The following HAO2 variants were observed in gnomAD, a reference collection of about 807,000 sequenced individuals.
HAO2 encodes the protein hydroxyacid oxidase 2.
HAO2 carries 42 observed loss-of-function variants against 37.4 expected under a neutral mutation model. The observed-to-expected ratio is 1.12, with a 90% CI of 0.88 to 1.45. HAO2 has a LOEUF of 1.45. Among genes scored for constraint, HAO2 ranks in the 40% most tolerant of loss-of-function variants. HAO2 has a pLI of 0.00. For missense variants in HAO2, 476 were observed against 430.2 expected (o/e 1.11, Z -0.94); for synonymous variants, 180 against 162.8 (o/e 1.11, Z -0.81).
chr1:119,386,098 G>A (rs1650357754), intron 4 of HAO2: 1 of 154,766 alleles, frequency 6.5e-6, no homozygotes, highest in African/African-American at 2.4e-5. Context: ...CATGATTCAT[G>A]GTCAATGATA....
At chr1:119,386,380 T>C (rs1247804477) in intron 4 of HAO2, among the ~76,000 whole-genome samples, 1 of 152,042 alleles carries the variant, frequency 6.6e-6, no homozygotes, top group Non-Finnish European at 1.5e-5. Context: ...TTTATTTTTT[T>C]AGAGGAGCAG....
At chr1:119,384,708 T>TC in intron 3 of HAO2, 68 bp from the exon 4 acceptor site, 1 of 1,319,820 alleles carries the variant, frequency 7.6e-7, no homozygotes, top group Non-Finnish European at 1.1e-6. Flanking sequence ...CTACACAGAC[T>TC]CCCAAGGTTT....
rs1240911956 is a variant in HAO2 at position 119,378,974 on chromosome 1, C to G, written c.-8-2104C>G. 2.0e-5 allele frequency among the ~76,000 whole-genome samples: 3 copies of G among 152,094 alleles called. No homozygotes were observed. In the East Asian group the frequency reaches 5.8e-4, roughly 29 times the overall value. ...GTTGGGGGTCCCAGGTTTGGTTCTT[C>G]ATTAGGAGGAACAAATAGTCGAGGC... On this transcript the variant is annotated intron_variant, in intron 1 of 7. Coordinates refer to ENST00000325945, the MANE Select transcript of HAO2 (RefSeq NM_016527.4).
At chr1:119,380,574 G>C (rs999991417) in intron 1 of HAO2, 26 of 691,284 alleles carry the variant, frequency 3.8e-5, no homozygotes, top group Non-Finnish European at 6.2e-5. Context: ...AAGAAATGAA[G>C]CTGGTGAGGC....
At chr1:119,383,112 C>T (rs991201356) in intron 3 of HAO2, 46 bp downstream of exon 3, 7 of 1,466,732 alleles carry the variant, frequency 4.8e-6, no homozygotes, top group Non-Finnish European at 6.6e-6. Flanking sequence ...GAGGAGGTGT[C>T]CCTCAGAGCA....
intron 6 of HAO2, 84 bp from the exon 7 acceptor site, chr1:119,392,534 A>T: frequency 2.2e-6 from 2 of 917,490 alleles, no homozygotes; most frequent in Non-Finnish European, 3.7e-6. Flanking sequence ...TATAGCTCTG[A>T]CTACATCTAG....
At chr1:119,388,750 T>C (rs192985691) in intron 5 of HAO2, among the ~76,000 whole-genome samples, 5 of 152,270 alleles carry the variant, frequency 3.3e-5, no homozygotes, top group Admixed American at 2.0e-4. Flanking sequence ...AAACATTGTG[T>C]TCAAACATCA....
intron 1 of HAO2, chr1:119,380,794 G>T (rs1649860841): frequency 5.2e-6 from 5 of 965,438 alleles, no homozygotes; most frequent in Non-Finnish European, 8.4e-6. Context: ...TAGGTCTAAG[G>T]TGGTGTGTGT....
At chr1:119,386,509 T>A (rs1650391107) in intron 4 of HAO2, 113 bp from the exon 5 acceptor site, 1 of 704,444 alleles carries the variant, frequency 1.4e-6, no homozygotes, top group South Asian at 1.7e-5. Context: ...CCCAGCCCTG[T>A]TCTTCCTCCT....
chr1:119,380,449 C>G lies in HAO2; in HGVS notation c.-8-629C>G, dbSNP rs1310739518. ...TTAAGCAACATGTTCAGCGACCCAG[C>G]CAAGAATTACAAAGTAAACTTTGTC... On this transcript the variant is annotated intron_variant, in intron 1 of 7. Coordinates refer to ENST00000325945, the MANE Select transcript of HAO2 (RefSeq NM_016527.4). 5 of 450,306 alleles carry G rather than the reference C, an allele frequency of 1.1e-5. No homozygotes were observed. The Admixed American group carries it at 2.0e-4, about 18-fold the overall frequency. The allele number at this position is 450,306 out of a possible 1,614,324, so 27.9% of individuals were successfully genotyped here.
intron 1 of HAO2, chr1:119,380,551 G>C: frequency 1.6e-6 from 1 of 636,800 alleles, no homozygotes; most frequent in Non-Finnish European, 2.8e-6. Flanking sequence ...CCAGATAGTA[G>C]CATCAGTTCA....
intron 4 of HAO2, chr1:119,385,712 C>T (rs1269892559): frequency 2.0e-6 from 2 of 985,204 alleles, no homozygotes; most frequent in Admixed American, 6.2e-5. Context: ...AGTGGGAATC[C>T]CTGGCTATAG....
intron 5 of HAO2, among the ~76,000 whole-genome samples, chr1:119,391,100 C>G (rs942346554): frequency 4.6e-5 from 7 of 152,106 alleles, no homozygotes; most frequent in African/African-American, 1.7e-4. Flanking sequence ...CCGCCCCCAC[C>G]TATAAGTTAA....
intron 5 of HAO2, among the ~76,000 whole-genome samples, chr1:119,388,340 T>C (rs147683298): frequency 6.6e-6 from 1 of 152,276 alleles, no homozygotes; most frequent in East Asian, 1.9e-4. Flanking sequence ...ATACAATAGG[T>C]GTCAGGCTCT....
intron 1 of HAO2, among the ~76,000 whole-genome samples, chr1:119,371,791 T>C (rs1023063110): frequency 6.6e-6 from 1 of 152,194 alleles, no homozygotes; most frequent in African/African-American, 2.4e-5. Flanking sequence ...ACTTGAAAAA[T>C]GGTTGCAATA....
At chr1:119,372,991 T>G (rs1649156435) in intron 1 of HAO2, among the ~76,000 whole-genome samples, 1 of 152,164 alleles carries the variant, frequency 6.6e-6, no homozygotes, top group African/African-American at 2.4e-5. Flanking sequence ...AAATCTATCA[T>G]GGATTAAGCT....
intron 1 of HAO2, among the ~76,000 whole-genome samples, chr1:119,375,045 A>G (rs1033772281): frequency 2.6e-5 from 4 of 152,168 alleles, no homozygotes; most frequent in Non-Finnish European, 5.9e-5. Context: ...ATGAGCTAAA[A>G]TTTCTAGAAC....
intron 1 of HAO2, among the ~76,000 whole-genome samples, chr1:119,374,119 G>A (rs1464061699): frequency 6.6e-6 from 1 of 152,164 alleles, no homozygotes; most frequent in East Asian, 1.9e-4. Context: ...TCTGAGGGCT[G>A]ACCTGCTGTT....
Position 119,381,188 on chromosome 1 carries a change from C to T in HAO2, c.103C>T (p.Arg35Trp), listed in dbSNP as rs765518257. The change falls in exon 2 of 8, where the codon CGG becomes TGG. Residue 35 changes from arginine to tryptophan, a missense_variant. Arg to Trp is a moderately radical substitution (Grantham distance 101). Coordinates refer to ENST00000325945, the MANE Select transcript of HAO2 (RefSeq NM_016527.4). Reference protein sequence around the residue: ...IEGGADDSITRDDNIAAFKRI... With the variant: ...IEGGADDSITWDDNIAAFKRI... ...AGGTGGAGCAGATGACAGCATCACG[C>T]GGGATGACAACATTGCAGCATTTAA... 1.6e-5 allele frequency: 25 copies of T among 1,610,434 alleles called. No homozygotes were observed. Among genetic ancestry groups the T allele is most frequent in the African/African-American group, 1.2e-4 (9 of 74,806 alleles).
Sources: allele counts gnomAD v4.1 joint callset (sites outside exome capture counted in the v4.1 genomes callset), GRCh38; gene constraint gnomAD v4.1.1; transcripts MANE v1.5; gene names NCBI Gene and HGNC (gene_info 2026-07-23, HGNC 2026-07-21).